The following RANBP3 variants were observed in gnomAD, a reference collection of about 807,000 sequenced individuals.
The protein encoded by RANBP3 is RAN binding protein 3, also known as ran-binding protein 3.
RANBP3 carries 14 observed loss-of-function variants against 77.3 expected under a neutral mutation model. The observed-to-expected ratio is 0.18, with a 90% CI of 0.12 to 0.28. The LOEUF is 0.28. RANBP3 is among the 10% of genes least tolerant of loss of function. RANBP3 has a pLI of 1.00. For synonymous variants in RANBP3, 315 were observed against 312.4 expected, an observed-to-expected ratio of 1.01 and a Z score of -0.09; for missense variants, 586 against 752.3, an observed-to-expected ratio of 0.78 and a Z score of 2.59.
At chr19:5,950,790 T>C (rs1404760958) in intron 3 of RANBP3, 4 of 153,822 alleles carry the variant, frequency 2.6e-5, no homozygotes, top group Admixed American at 2.6e-4. Flanking sequence ...TCTCCACCTA[T>C]AATCTTCAAA....
intron 5 of RANBP3, among the ~76,000 whole-genome samples, chr19:5,939,381 G>C (rs540999198): frequency 6.6e-6 from 1 of 152,264 alleles, no homozygotes; most frequent in East Asian, 1.9e-4. Context: ...AGAGTTGGGG[G>C]AAAAATTTTA....
intron 8 of RANBP3, 86 bp from the exon 9 acceptor site, chr19:5,928,173 A>C: frequency 4.0e-6 from 6 of 1,498,838 alleles, no homozygotes; most frequent in Non-Finnish European, 5.4e-6. Context: ...ACACCAGATC[A>C]TGTACTCCAC....
intron 1 of RANBP3, among the ~76,000 whole-genome samples, chr19:5,960,589 A>C (rs2058387693): frequency 6.6e-6 from 1 of 152,178 alleles, no homozygotes; most frequent in Admixed American, 6.5e-5. Context: ...CAAACACTTC[A>C]TGAAGGGGGA....
chr19:5,945,247 G>T (rs2058189328), intron 3 of RANBP3, among the ~76,000 whole-genome samples: 1 of 152,212 alleles, frequency 6.6e-6, no homozygotes, highest in Admixed American at 6.5e-5. Flanking sequence ...AGAAGGAACT[G>T]GTCCCCGAGC....
chr19:5,927,095 G>A (rs190407486), intron 9 of RANBP3, among the ~76,000 whole-genome samples: 22 of 152,268 alleles, frequency 1.4e-4, no homozygotes, highest in Admixed American at 1.3e-3. Context: ...CACAGCCACC[G>A]ATACCGCCTC....
In RANBP3 at chr19:5,960,661, G is replaced by A. The variant is rs181751790; in HGVS notation, c.23-2688C>T. 3.6e-3 allele frequency among the ~76,000 whole-genome samples: 542 copies of A among 152,348 alleles called. 2 individuals carry two copies. The highest frequency in any genetic ancestry group is 8.2e-3 in the Admixed American group (125 of 15,296). ...CACTTGGTGCCAGGCTAGTAAGGAAGGGCTAGAAGAGAGAGAACCATTTGG... is the reference window on the plus strand; with the variant it reads ...CACTTGGTGCCAGGCTAGTAAGGAAAGGCTAGAAGAGAGAGAACCATTTGG... On this transcript the variant is annotated intron_variant, in intron 1 of 16. Transcript: ENST00000340578.
In RANBP3 at chr19:5,921,150, C is replaced by G. The variant is rs1440042236; in HGVS notation, c.1330+51G>C. 6.3e-7 allele frequency: 1 copy of G among 1,584,284 alleles called. No individual in the cohort carries two copies. The highest frequency in any genetic ancestry group is 1.7e-5 in the Admixed American group (1 of 58,606). ...CATTCCCTTTGGAATTGCATAGTCC[C>G]CAGCCCTCCCCATGGGGACCCGGCC... On this transcript the variant is annotated intron_variant, in intron 14 of 16. Coordinates refer to ENST00000340578, the MANE Select transcript of RANBP3 (RefSeq NM_007322.3). This position sits in a 1 kb window ranked among gnomAD's most constrained non-coding sequence, Gnocchi z 5.3.
At chr19:5,938,653 T>C (rs1427042712) in intron 5 of RANBP3, among the ~76,000 whole-genome samples, 1 of 151,808 alleles carries the variant, frequency 6.6e-6, no homozygotes, top group Non-Finnish European at 1.5e-5. Context: ...GATCGCCCCA[T>C]TGCACTCCAG....
intron 7 of RANBP3, 100 bp from the exon 8 acceptor site, chr19:5,931,631 C>T: frequency 7.5e-7 from 1 of 1,331,584 alleles, no homozygotes; most frequent in Non-Finnish European, 1.0e-6. Context: ...TCTAGGGCCC[C>T]TCCCATGGTA....
chr19:5,955,098 A>G (rs897523485), intron 2 of RANBP3, among the ~76,000 whole-genome samples: 9 of 152,202 alleles, frequency 5.9e-5, no homozygotes, highest in African/African-American at 1.9e-4. Flanking sequence ...CAATATTTTG[A>G]TAAGAACTAT....
intron 2 of RANBP3, 120 bp downstream of exon 2, chr19:5,957,798 T>C (rs1010496379): frequency 8.4e-6 from 9 of 1,065,506 alleles, no homozygotes; most frequent in Non-Finnish European, 1.1e-5. Context: ...AGGCCTCTGC[T>C]TAGGTCTCCC....
At chr19:5,930,275 G>T (rs374193088) in intron 8 of RANBP3, among the ~76,000 whole-genome samples, 1 of 152,262 alleles carries the variant, frequency 6.6e-6, no homozygotes, top group Non-Finnish European at 1.5e-5. Context: ...GAAAAAGGGC[G>T]TGAGGATGTT....
At chr19:5,933,567 T>A in intron 5 of RANBP3, 88 bp from the exon 6 acceptor site, 1 of 1,038,568 alleles carries the variant, frequency 9.6e-7, no homozygotes. Flanking sequence ...ACTATGGTCT[T>A]GGCCTCAGTG....
intron 5 of RANBP3, among the ~76,000 whole-genome samples, chr19:5,939,639 G>C (rs1389418238): frequency 6.6e-6 from 1 of 152,206 alleles, no homozygotes; most frequent in Non-Finnish European, 1.5e-5. Flanking sequence ...AGCATGAATG[G>C]GTGGGGTGGA....
At chr19:5,930,235 A>T (rs1319371298) in intron 8 of RANBP3, among the ~76,000 whole-genome samples, 1 of 152,252 alleles carries the variant, frequency 6.6e-6, no homozygotes, top group Non-Finnish European at 1.5e-5. Flanking sequence ...GGTGGAAATG[A>T]TCCCTATTTC....
intron 5 of RANBP3, among the ~76,000 whole-genome samples, chr19:5,937,295 G>A (rs569602647): frequency 4.6e-5 from 7 of 152,144 alleles, no homozygotes; most frequent in South Asian, 2.1e-4. Flanking sequence ...CGGCCACCCC[G>A]TGCTGGTAAG....
chr19:5,978,033 A>T (rs1399975969), intron 1 of RANBP3, 28 bp downstream of exon 1: 2 of 1,608,918 alleles, frequency 1.2e-6, no homozygotes, highest in Non-Finnish European at 1.7e-6. Flanking sequence ...CCCGGCCGCC[A>T]GCCGGTCCCC....
intron 6 of RANBP3, chr19:5,932,837 G>A (rs121742): frequency 0.69 from 296,898 of 428,248 alleles, 103,797 homozygotes; most frequent in Admixed American, 0.8. Flanking sequence ...GGAGACTGTG[G>A]GAGGAGAGCA....
Position 5,953,073 on chromosome 19 carries a change from C to T in RANBP3, c.79-1477G>A, listed in dbSNP as rs115374168. On this transcript the variant is annotated intron_variant, in intron 2 of 16. Transcript: ENST00000340578. The stretch of plus-strand genomic sequence containing the variant: ...AACATCCTCATGGTAATTCAAAATG[C>T]TAAACAGGAGGACCAAGAAGTAAGT... Among the ~76,000 whole-genome samples, 147 of 152,292 alleles carry T rather than the reference C, an allele frequency of 9.7e-4. 1 individual carries two copies. Among genetic ancestry groups the T allele is most frequent in the African/African-American group, 3.3e-3 (137 of 41,564 alleles).
Sources: gnomAD v4.1 joint callset for allele counts (sites outside exome capture counted in the v4.1 genomes callset) on GRCh38, gnomAD v4.1.1 for gene constraint, Gnocchi (gnomAD v3.1) non-coding constraint, MANE v1.5 for transcripts, NCBI Gene and HGNC (gene_info 2026-07-23, HGNC 2026-07-21) for gene names.